Variants in ATP2A1 observed in about 807,000 individuals in gnomAD.
ATP2A1 encodes ATPase sarcoplasmic/endoplasmic reticulum Ca2+ transporting 1, also known as sarcoplasmic/endoplasmic reticulum calcium ATPase 1.
In ATP2A1, 83 loss-of-function variants were observed where a neutral mutation model predicts 109.5. The observed-to-expected ratio is 0.76, with a 90% CI of 0.63 to 0.91. The LOEUF is 0.91. ATP2A1 is among the 40% of genes least tolerant of loss of function. The pLI is 0.00. For missense variants in ATP2A1, 1,101 were observed against 1,341.0 expected, an observed-to-expected ratio of 0.82 and a Z score of 2.80; for synonymous variants, 505 against 537.6, an observed-to-expected ratio of 0.94 and a Z score of 0.84.
rs763505420 is a variant in ATP2A1 at position 28,884,568 on chromosome 16, TC to T, written c.464-5del. ...AGTGACCTCCCTCTTCCCTACTCTC[TC>T]CACAGTGGGGGACAAAGTCCCTGCA... On this transcript the variant is annotated splice_region_variant and splice_polypyrimidine_tract_variant and intron_variant, in intron 5 of 22. Transcript: ENST00000395503. 25 of 1,612,482 alleles carry T rather than the reference TC, an allele frequency of 1.6e-5. No homozygotes were observed. The highest frequency in any genetic ancestry group is 2.1e-5 in the Non-Finnish European group (25 of 1,179,176).
chr16:28,879,494 C>A lies in ATP2A1; in HGVS notation c.137-7C>A. ...ACCCGGGGCCCTCCCCTTGCCTCCT[C>A]CCCCAGGGAAGACCCTGTGGGAGCT... On this transcript the variant is annotated splice_region_variant and splice_polypyrimidine_tract_variant and intron_variant, in intron 2 of 22. Transcript: ENST00000395503. 6.2e-7 allele frequency: 1 copy of A among 1,613,812 alleles called. No homozygotes were observed. Among genetic ancestry groups the A allele is most frequent in the South Asian group, 1.1e-5 (1 of 91,076 alleles).
rs1228095895 is a variant in ATP2A1 at position 28,883,034 on chromosome 16, C to G, written c.463+445C>G. ...CAGAAGGGAGGAGGGAGGCCGAAGG[C>G]TCGAGCCCCCGACCATGTAAGGGAA... On this transcript the variant is annotated intron_variant, in intron 5 of 22. Transcript: ENST00000395503. This position sits in a 1 kb window ranked among gnomAD's most constrained non-coding sequence, Gnocchi z 5.2. 2.0e-5 allele frequency among the ~76,000 whole-genome samples: 3 copies of G among 152,308 alleles called. 1 individual carries two copies. Among genetic ancestry groups the G allele is most frequent in the African/African-American group, 7.2e-5 (3 of 41,560 alleles).
In ATP2A1 at chr16:28,904,244, A is replaced by G. The variant is rs747546660; in HGVS notation, c.*102A>G. 3.7e-6 allele frequency: 6 copies of G among 1,613,576 alleles called. No individual in the cohort carries two copies. The Admixed American group carries it at 8.3e-5, about 22-fold the overall frequency. ...CTGTCCTCCCCACCCCGATAGTGACACATCTTCAGGCAGAGCTGTGGCACA... is the reference window on the plus strand; with the variant it reads ...CTGTCCTCCCCACCCCGATAGTGACGCATCTTCAGGCAGAGCTGTGGCACA... On this transcript the variant is annotated 3_prime_UTR_variant, in exon 23 of 23. Coordinates refer to ENST00000395503, the MANE Select transcript of ATP2A1 (RefSeq NM_004320.6).
chr16:28,898,216 C>T lies in ATP2A1; in HGVS notation c.1546-17C>T, dbSNP rs758578932. 20 of 1,614,084 alleles carry T rather than the reference C, an allele frequency of 1.2e-5. No homozygotes were observed. The highest frequency in any genetic ancestry group is 1.7e-5 in the Non-Finnish European group (20 of 1,180,018). ...GAAGGAAAGTGGTGGTCTCTGAATG[C>T]TGTTCTGGTCTCCTAGGGTGCCCCT... On this transcript the variant is annotated splice_polypyrimidine_tract_variant and intron_variant, in intron 13 of 22. Transcript: ENST00000395503. This position sits in a 1 kb window ranked among gnomAD's most constrained non-coding sequence, Gnocchi z 4.0.
intron 14 of ATP2A1, among the ~76,000 whole-genome samples, chr16:28,899,988 C>A (rs8060365): frequency 0.74 from 108,136 of 146,992 alleles, 41,169 homozygotes; most frequent in African/African-American, 0.93. Flanking sequence ...AAAACAAAAA[C>A]AAAAAAAAGG....
chr16:28,903,530 T>C lies in ATP2A1; in HGVS notation c.2980+90T>C. The C allele has an allele frequency of 9.6e-7, 1 of 1,044,316 alleles. No homozygotes were observed. Among genetic ancestry groups the C allele is most frequent in the East Asian group, 4.3e-5 (1 of 23,146 alleles). The allele number at this position is 1,044,316 out of a possible 1,614,324, so 64.7% of individuals were successfully genotyped here. A position where few individuals can be genotyped will look rare whatever the true frequency, so the allele number is the denominator to read the frequency against. Reference sequence around the variant, plus strand: ...CCCGCCCCGCCCCGTACTTTGCAGGTGGTAAGTTTCTCAGCCCTGGCAGGA... The same window carrying C: ...CCCGCCCCGCCCCGTACTTTGCAGGCGGTAAGTTTCTCAGCCCTGGCAGGA... On this transcript the variant is annotated intron_variant, in intron 21 of 22. Transcript: ENST00000395503. The surrounding 1 kb of genome is among the most constrained non-coding windows in gnomAD (Gnocchi z 5.6).
At chr16:28,896,820 A>G (rs892518961) in intron 12 of ATP2A1, among the ~76,000 whole-genome samples, 1 of 148,742 alleles carries the variant, frequency 6.7e-6, no homozygotes, top group Non-Finnish European at 1.5e-5. Flanking sequence ...CAGCCTCCCG[A>G]GTAGCTAGAA....
chr16:28,900,498 CCAT>C, intron 14 of ATP2A1, 80 bp from the exon 15 acceptor site: 3 of 1,294,944 alleles, frequency 2.3e-6, no homozygotes, highest in Non-Finnish European at 2.1e-6. Context: ...ACCTTTCACC[CCAT>C]CCCCACCCCC....
chr16:28,901,973 C>T lies in ATP2A1; in HGVS notation c.2211C>T (p.Asp737=), dbSNP rs747911513. 2.2e-5 allele frequency: 35 copies of T among 1,614,076 alleles called. No homozygotes were observed. Among genetic ancestry groups the T allele is most frequent in the African/African-American group, 2.1e-4 (16 of 74,928 alleles). Residue 737 remains aspartate (D), a synonymous_variant, in exon 16 of 23, where the codon GAC becomes GAT. Transcript: ENST00000395503. ...AKTASEMVLA[D]DNFSTIVAAV... ...CTGCCTCTGAGATGGTGCTGGCTGA[C>T]GACAACTTCTCCACCATCGTAGCTG...
intron 12 of ATP2A1, among the ~76,000 whole-genome samples, chr16:28,897,468 T>C (rs1345725175): frequency 6.6e-6 from 1 of 152,130 alleles, no homozygotes; most frequent in Non-Finnish European, 1.5e-5. Flanking sequence ...TACTTCAGCC[T>C]AGGAGACAGC....
chr16:28,879,408 C>T, intron 2 of ATP2A1, 93 bp from the exon 3 acceptor site: 3 of 1,205,724 alleles, frequency 2.5e-6, no homozygotes, highest in Non-Finnish European at 3.7e-6. Context: ...ACCCTAGAGC[C>T]TCCCCACTGC....
rs1202126580 is a variant in ATP2A1, at chr16:28,902,891, G to A, written c.2724G>A (p.Glu908=). ...TMALSVLVTI[E]MCNALNSLSE... ...CCCTGTCCGTGCTGGTGACCATCGA[G>A]ATGTGCAATGCACTGAACAGGTGGG... The change falls in exon 19 of 23, where the codon GAG becomes GAA. Residue 908 remains glutamate (E), a synonymous_variant. Transcript: ENST00000395503. This position sits in a 1 kb window ranked among gnomAD's most constrained non-coding sequence, Gnocchi z 4.8. 3.7e-6 allele frequency: 6 copies of A among 1,613,840 alleles called. No individual in the cohort carries two copies. Among genetic ancestry groups the A allele is most frequent in the Non-Finnish European group, 5.1e-6 (6 of 1,179,966 alleles).
At chr16:28,879,465 C>CTTA (rs1963385579) in intron 2 of ATP2A1, 36 bp from the exon 3 acceptor site, 1 of 1,601,136 alleles carries the variant, frequency 6.2e-7, no homozygotes. Flanking sequence ...CCCACTAGAC[C>CTTA]TTAACCCGGG....
chr16:28,885,051 C>T (rs1415241344), intron 6 of ATP2A1, among the ~76,000 whole-genome samples: 1 of 152,036 alleles, frequency 6.6e-6, no homozygotes, highest in East Asian at 1.9e-4. Context: ...CCAGCCTGGC[C>T]AACATGGTGA....
chr16:28,898,762 T>C lies in ATP2A1; in HGVS notation c.1764+311T>C, dbSNP rs959499935. ...TCTATTAAAAAAAAAATTTTTTTAA[T>C]TACCTGGTTAAATTCATAGGGGTCT... On this transcript the variant is annotated intron_variant, in intron 14 of 22. Transcript: ENST00000395503. The surrounding 1 kb of genome is among the most constrained non-coding windows in gnomAD (Gnocchi z 4.0). Among the ~76,000 whole-genome samples, 2 of 151,194 alleles carry C rather than the reference T, an allele frequency of 1.3e-5. No homozygotes were observed. Among genetic ancestry groups the C allele is most frequent in the Non-Finnish European group, 3.0e-5 (2 of 67,760 alleles).
At chr16:28,901,815 G>T in intron 15 of ATP2A1, 48 bp from the exon 16 acceptor site, 1 of 1,513,266 alleles carries the variant, frequency 6.6e-7, no homozygotes, top group South Asian at 1.1e-5. Flanking sequence ...TTTTAAAAAG[G>T]AGGGATGTGT....
rs1158699209 is a variant in ATP2A1, at chr16:28,902,322, C to T, written c.2460C>T (p.Pro820=). The change falls in exon 17 of 23, where the codon CCC becomes CCT. Residue 820 remains proline (P), a synonymous_variant. Coordinates refer to ENST00000395503, the MANE Select transcript of ATP2A1 (RefSeq NM_004320.6). This position sits in a 1 kb window ranked among gnomAD's most constrained non-coding sequence, Gnocchi z 4.8. The part of the protein sequence containing the change: ...NPPDLDIMDR[P]PRSPKEPLIS... ...CAGACCTGGACATCATGGACCGCCC[C>T]CCCCGGAGCCCCAAGGAGCCCCTCA... 10 of 1,614,166 alleles carry T rather than the reference C, an allele frequency of 6.2e-6. No homozygotes were observed. The highest frequency in any genetic ancestry group is 2.2e-5 in the East Asian group (1 of 44,876).
intron 7 of ATP2A1, 39 bp downstream of exon 7, chr16:28,887,313 G>A: frequency 6.2e-7 from 1 of 1,613,434 alleles, no homozygotes; most frequent in Non-Finnish European, 8.5e-7. Context: ...ACTCAGTCAA[G>A]CCAGGTGCCC....
At position 28,887,220 on chromosome 16, in the gene ATP2A1, G is replaced by A. The variant is rs1199745623; in HGVS notation, c.576G>A (p.Glu192=). 95 of 1,613,668 alleles carry A rather than the reference G, an allele frequency of 5.9e-5. No homozygotes were observed. The highest frequency in any genetic ancestry group is 7.6e-5 in the Non-Finnish European group (90 of 1,179,996). The change falls in exon 7 of 23, where the codon GAG becomes GAA. Residue 192 remains glutamate, a synonymous_variant. Transcript: ENST00000395503. ...CTGTATCTGTCATCAAACACACGGA[G>A]CCCGTTCCTGACCCCCGAGCTGTCA... is the stretch of plus-strand genomic sequence containing the variant. The part of the protein sequence containing the change: ...GESVSVIKHT[E]PVPDPRAVNQ...
Sources: allele counts gnomAD v4.1 joint callset (sites outside exome capture counted in the v4.1 genomes callset), GRCh38; gene constraint gnomAD v4.1.1; non-coding constraint Gnocchi (gnomAD v3.1); transcripts MANE v1.5; gene names NCBI Gene and HGNC (gene_info 2026-07-23, HGNC 2026-07-21).